The following CDH12 variants were observed in gnomAD, a reference collection of about 807,000 sequenced individuals.
CDH12 encodes the protein cadherin 12, also known as cadherin-12.
CDH12 carries 41 observed loss-of-function variants against 74.1 expected under a neutral mutation model. The ratio of observed to expected loss-of-function variants is 0.55; its 90% CI spans 0.43 to 0.72. The LOEUF is 0.72. CDH12 is among the 30% of genes least tolerant of loss of function. The pLI, the probability that CDH12 is intolerant of heterozygous loss-of-function variation, is 0.00. For missense variants in CDH12, 945 were observed against 977.2 expected, an observed-to-expected ratio of 0.97 and a Z score of 0.44; for synonymous variants, 399 against 355.0, an observed-to-expected ratio of 1.12 and a Z score of -1.39.
At chr5:22,760,467 TC>T (rs1746148331) in intron 1 of CDH12, among the ~76,000 whole-genome samples, 1 of 151,736 alleles carries the variant, frequency 6.6e-6, no homozygotes, top group Non-Finnish European at 1.5e-5. Context: ...GATCAAAAGG[TC>T]AGGAGTTCGA....
intron 11 of CDH12, among the ~76,000 whole-genome samples, chr5:21,773,816 C>T (rs759455060): frequency 6.6e-5 from 10 of 152,114 alleles, no homozygotes; most frequent in Non-Finnish European, 1.3e-4. Flanking sequence ...TCTTTATTTC[C>T]TTTTTTTCTT....
intron 3 of CDH12, among the ~76,000 whole-genome samples, chr5:22,331,582 G>A (rs1169348959): frequency 6.6e-6 from 1 of 152,106 alleles, no homozygotes; most frequent in African/African-American, 2.4e-5. Context: ...ATAAGCCCAG[G>A]ATGTAAAGAC....
Position 21,816,983 on chromosome 5 carries a change from C to A in CDH12, c.964G>T (p.Asp322Tyr). The change falls in exon 9 of 15, where the codon GAT (aspartate) becomes TAT (tyrosine). Residue 322 changes from aspartate (D) to tyrosine (Y), a missense_variant. Asp to Tyr is a radical substitution (Grantham distance 160, BLOSUM62 -3). Transcript: ENST00000382254. Reference protein sequence around the residue: ...DGGNLFDIVTDEDTQEGVIKL... With the variant: ...DGGNLFDIVTYEDTQEGVIKL... Reference sequence around the variant, plus strand: ...ATGACTCCCTCTTGTGTATCCTCATCTGTGACGATGTCAAACAAATTTCCC... The same window carrying A: ...ATGACTCCCTCTTGTGTATCCTCATATGTGACGATGTCAAACAAATTTCCC... The A allele has an allele frequency of 6.2e-7, 1 of 1,612,284 alleles. No individual in the cohort carries two copies. The highest frequency in any genetic ancestry group is 1.3e-5 in the African/African-American group (1 of 74,904).
chr5:22,537,976 TG>T (rs1418955060), intron 1 of CDH12, among the ~76,000 whole-genome samples: 12 of 152,306 alleles, frequency 7.9e-5, no homozygotes, highest in African/African-American at 2.6e-4. Context: ...TTCTTTGTTG[TG>T]GGCAACCTTA....
intron 4 of CDH12, among the ~76,000 whole-genome samples, chr5:22,117,076 G>T (rs1745162156): frequency 6.6e-6 from 1 of 151,464 alleles, no homozygotes; most frequent in African/African-American, 2.4e-5. Context: ...GCCAGCCTCT[G>T]CTTTACTGGA....
chr5:21,876,386 C>T (rs1242540599), intron 6 of CDH12, among the ~76,000 whole-genome samples: 1 of 152,214 alleles, frequency 6.6e-6, no homozygotes, highest in Non-Finnish European at 1.5e-5. Flanking sequence ...CCTAACTCTA[C>T]AATCTTGTTC....
Position 21,765,081 on chromosome 5 carries a change from C to A in CDH12, c.1412G>T (p.Ser471Ile). 6.3e-7 allele frequency: 1 copy of A among 1,590,172 alleles called. No homozygotes were observed. Among genetic ancestry groups the A allele is most frequent in the East Asian group, 2.3e-5 (1 of 44,234 alleles). ...GACATTAATCAGTATATTGACTTTG[C>A]TGGTCAATAAAGGGTTACCTGTTAA... is the stretch of plus-strand genomic sequence containing the variant. ...ASKVSNPLLT[S>I]KVNILINVLD... Residue 471 changes from serine (S) to isoleucine (I), a missense_variant, in exon 12 of 15, where the codon AGC becomes ATC. This residue lies in a region of CDH12 where 791 missense variants were observed against 792.8 expected (regional missense o/e 1.00). Coordinates refer to ENST00000382254, the MANE Select transcript of CDH12 (RefSeq NM_004061.5).
chr5:22,497,771 T>C (rs1278358552), intron 2 of CDH12, among the ~76,000 whole-genome samples: 1 of 148,388 alleles, frequency 6.7e-6, no homozygotes, highest in Admixed American at 7.0e-5. Context: ...GCCTCCTAAG[T>C]GGCTGGAATT....
intron 1 of CDH12, among the ~76,000 whole-genome samples, chr5:22,650,041 C>A (rs905256771): frequency 1.3e-5 from 2 of 151,784 alleles, no homozygotes; most frequent in African/African-American, 4.8e-5. Context: ...TAAATGGGTG[C>A]AAAATTAAAT....
At chr5:21,884,092 T>G in intron 6 of CDH12, 1 of 1,422,558 alleles carries the variant, frequency 7.0e-7, no homozygotes, top group Non-Finnish European at 1.0e-6. Context: ...TCCTCAGAAG[T>G]TGGTTATGAT....
At chr5:22,781,415 G>A (rs980549000) in intron 1 of CDH12, among the ~76,000 whole-genome samples, 6 of 152,106 alleles carry the variant, frequency 3.9e-5, no homozygotes, top group Admixed American at 1.3e-4. Context: ...GGCTTTTGCC[G>A]ATGCCCCTTT....
chr5:21,860,012 A>G (rs560007018), intron 6 of CDH12, among the ~76,000 whole-genome samples: 210 of 151,944 alleles, frequency 1.4e-3, no homozygotes, highest in African/African-American at 5.0e-3. Flanking sequence ...TCACTCCACC[A>G]GGTAAAAAAA....
intron 1 of CDH12, among the ~76,000 whole-genome samples, chr5:22,743,003 T>G (rs1745104915): frequency 6.6e-6 from 1 of 151,300 alleles, no homozygotes; most frequent in South Asian, 2.1e-4. Context: ...AAAGCCTGAA[T>G]AGAACCAAAA....
intron 4 of CDH12, among the ~76,000 whole-genome samples, chr5:22,098,137 T>C (rs1473964498): frequency 2.0e-5 from 3 of 150,300 alleles, no homozygotes; most frequent in Admixed American, 6.6e-5. Flanking sequence ...AGCCTCTCTT[T>C]GCTTTCACTT....
At chr5:22,119,977 AGG>A (rs1237667871) in intron 4 of CDH12, among the ~76,000 whole-genome samples, 1 of 152,202 alleles carries the variant, frequency 6.6e-6, no homozygotes, top group Non-Finnish European at 1.5e-5. Context: ...ACAAAGAAAA[AGG>A]GTTGTTTTCT....
intron 1 of CDH12, among the ~76,000 whole-genome samples, chr5:22,736,209 T>C (rs1744711010): frequency 6.6e-6 from 1 of 151,834 alleles, no homozygotes. Context: ...CATTAACAAA[T>C]TTTAAACCAT....
In CDH12 at chr5:22,538,236, T is replaced by C. The variant is rs1440118934; in HGVS notation, c.-522-32872A>G. Reference sequence around the variant, plus strand: ...AAAATCCTCATTTCTTCACCCTGAATGATTGAAAACTCTTTTTCAGCCAAT... The same window carrying C: ...AAAATCCTCATTTCTTCACCCTGAACGATTGAAAACTCTTTTTCAGCCAAT... On this transcript the variant is annotated intron_variant, in intron 1 of 14. Transcript: ENST00000382254. Among the ~76,000 whole-genome samples, 3 of 152,340 alleles carry C rather than the reference T, an allele frequency of 2.0e-5. No individual in the cohort carries two copies. In the East Asian group the frequency reaches 5.8e-4, roughly 29 times the overall value.
At chr5:22,806,058 T>C (rs1748767677) in intron 1 of CDH12, among the ~76,000 whole-genome samples, 2 of 152,208 alleles carry the variant, frequency 1.3e-5, no homozygotes, top group Non-Finnish European at 2.9e-5. Flanking sequence ...CAGTCTACCA[T>C]TGATGAGCGT....
Position 22,659,199 on chromosome 5 carries a change from G to A in CDH12, c.-522-153835C>T, listed in dbSNP as rs1370683620. 2.0e-5 allele frequency among the ~76,000 whole-genome samples: 3 copies of A among 152,124 alleles called. No individual in the cohort carries two copies. In the East Asian group the frequency reaches 5.8e-4, roughly 29 times the overall value. On this transcript the variant is annotated intron_variant, in intron 1 of 14. Coordinates refer to ENST00000382254, the MANE Select transcript of CDH12 (RefSeq NM_004061.5). ...CAGCCACATTTTAATTATATTGTTT[G>A]AAGTAGAAGTTTGATAGTATTTATA...
Sources: gnomAD v4.1 joint callset for allele counts (sites outside exome capture counted in the v4.1 genomes callset) on GRCh38, gnomAD v4.1.1 for gene constraint, gnomAD v4.1.1 regional missense constraint, MANE v1.5 for transcripts, NCBI Gene and HGNC (gene_info 2026-07-23, HGNC 2026-07-21) for gene names.